The following IMMP2L variants were observed in gnomAD, a reference collection of about 807,000 sequenced individuals.
IMMP2L encodes inner mitochondrial membrane peptidase subunit 2.
A neutral mutation model predicts 19.3 loss-of-function variants in IMMP2L; 18 were observed. The observed-to-expected ratio is 0.93, with a 90% confidence interval of 0.64 to 1.38. The LOEUF (loss-of-function observed/expected upper bound fraction) is 1.38, where lower values mean the gene tolerates loss of function less well. IMMP2L is among the 40% of genes most tolerant of loss of function. The pLI is 0.00. For missense variants in IMMP2L, 233 were observed against 218.2 expected (o/e 1.07, Z -0.43); for synonymous variants, 76 against 73.0 (o/e 1.04, Z -0.21).
At chr7:111,342,338 A>G (rs1440544382) in intron 3 of IMMP2L, among the ~76,000 whole-genome samples, 1 of 152,186 alleles carries the variant, frequency 6.6e-6, no homozygotes, top group Non-Finnish European at 1.5e-5. Flanking sequence ...TCACGCCTGT[A>G]ATCCCAGCAC....
intron 3 of IMMP2L, among the ~76,000 whole-genome samples, chr7:111,277,702 T>C (rs1472115150): frequency 6.6e-6 from 1 of 152,022 alleles, no homozygotes; most frequent in African/African-American, 2.4e-5. Context: ...AAAATAGAAC[T>C]ACTATTCCAT....
chr7:111,251,179 A>C (rs1255720619), intron 3 of IMMP2L, among the ~76,000 whole-genome samples: 1 of 152,322 alleles, frequency 6.6e-6, no homozygotes, highest in South Asian at 2.1e-4. Context: ...AGAGAAATAA[A>C]AATCAAAATC....
chr7:110,777,515 C>T (rs1200954880), intron 5 of IMMP2L, among the ~76,000 whole-genome samples: 2 of 151,854 alleles, frequency 1.3e-5, no homozygotes, highest in African/African-American at 4.8e-5. Context: ...TTTCTTTAGC[C>T]CGTTAATTTA....
At chr7:110,807,940 T>C (rs1359823531) in intron 5 of IMMP2L, among the ~76,000 whole-genome samples, 3 of 152,046 alleles carry the variant, frequency 2.0e-5, no homozygotes, top group Non-Finnish European at 4.4e-5. Flanking sequence ...ATGATTACAA[T>C]GGTTTCTAGA....
intron 3 of IMMP2L, among the ~76,000 whole-genome samples, chr7:111,343,554 T>C (rs1327368870): frequency 6.6e-6 from 1 of 152,042 alleles, no homozygotes. Context: ...AGCAACCACA[T>C]AGTGTGTAAT....
In IMMP2L at chr7:111,562,202, G is replaced by A. The variant is rs1268017719; in HGVS notation, c.-354C>T. 6.6e-6 allele frequency: 1 copy of A among 152,288 alleles called. No individual in the cohort carries two copies. The highest frequency in any genetic ancestry group is 1.5e-5 in the Non-Finnish European group (1 of 68,118). 9.4% of individuals were successfully genotyped at this position (152,288 alleles called of 1,614,324 possible). A position where few individuals can be genotyped will look rare whatever the true frequency, so the allele number is the denominator to read the frequency against. ...CAACCTAGTTAGCCAGTGGCACCAA[G>A]AAGAGGACTAGGCTGGGGTGGCCGC... On this transcript the variant is annotated 5_prime_UTR_variant, in exon 1 of 6. Coordinates refer to ENST00000405709, the MANE Select transcript of IMMP2L (RefSeq NM_032549.4).
At chr7:110,893,471 CT>C (rs1400157628) in intron 4 of IMMP2L, among the ~76,000 whole-genome samples, 4 of 152,046 alleles carry the variant, frequency 2.6e-5, no homozygotes, top group Admixed American at 2.6e-4. Context: ...TAGTTTGTTA[CT>C]TTTTTAAAAA....
intron 3 of IMMP2L, among the ~76,000 whole-genome samples, chr7:110,993,134 G>A (rs907696591): frequency 6.6e-6 from 1 of 151,804 alleles, no homozygotes; most frequent in African/African-American, 2.4e-5. Flanking sequence ...TTTAAAACAG[G>A]CCAGGTTTCC....
chr7:111,295,507 G>A (rs1431323448), intron 3 of IMMP2L, among the ~76,000 whole-genome samples: 1 of 151,776 alleles, frequency 6.6e-6, no homozygotes, highest in Non-Finnish European at 1.5e-5. Context: ...TAAGTAAAAT[G>A]GAAAAGAGTC....
At chr7:110,747,113 C>G (rs184130695) in intron 5 of IMMP2L, among the ~76,000 whole-genome samples, 1 of 152,126 alleles carries the variant, frequency 6.6e-6, no homozygotes, top group Admixed American at 6.5e-5. Context: ...TCAGAGAATA[C>G]TATAAACACC....
At chr7:110,988,556 G>C (rs1822096808) in intron 3 of IMMP2L, among the ~76,000 whole-genome samples, 1 of 152,120 alleles carries the variant, frequency 6.6e-6, no homozygotes, top group African/African-American at 2.4e-5. Flanking sequence ...AGCAACCTTT[G>C]CTACATGTGT....
intron 3 of IMMP2L, among the ~76,000 whole-genome samples, chr7:111,085,197 A>G (rs116956631): frequency 0.018 from 2,802 of 152,338 alleles, 34 homozygotes; most frequent in Middle Eastern, 0.037. Flanking sequence ...TTCTTGGCAT[A>G]GTGAGATTAC....
At chr7:110,957,354 A>G (rs181701916) in intron 4 of IMMP2L, among the ~76,000 whole-genome samples, 1,821 of 151,872 alleles carry the variant, frequency 0.012, 47 homozygotes, top group African/African-American at 0.043. Context: ...GTCATTTAAA[A>G]TAACAAATAA....
intron 5 of IMMP2L, among the ~76,000 whole-genome samples, chr7:110,834,377 T>TG (rs1804241779): frequency 6.6e-6 from 1 of 150,656 alleles, no homozygotes; most frequent in Non-Finnish European, 1.5e-5. Context: ...TGTGTGTGTG[T>TG]TATATGCAAC....
At chr7:111,142,611 A>C (rs2129599093) in intron 3 of IMMP2L, among the ~76,000 whole-genome samples, 1 of 152,156 alleles carries the variant, frequency 6.6e-6, no homozygotes, top group East Asian at 1.9e-4. Context: ...GGTAGAAAAT[A>C]ATTCATGTTA....
chr7:111,467,134 C>G (rs530313402), intron 3 of IMMP2L, among the ~76,000 whole-genome samples: 2 of 152,122 alleles, frequency 1.3e-5, no homozygotes, highest in Non-Finnish European at 2.9e-5. Context: ...AGCACAGCCC[C>G]TGAGGCGAGA....
chr7:111,335,821 A>C (rs1391978287), intron 3 of IMMP2L, among the ~76,000 whole-genome samples: 1 of 152,136 alleles, frequency 6.6e-6, no homozygotes. Context: ...ATAAAACAGC[A>C]GGAAAGTATA....
At chr7:111,179,543 G>A (rs527246727) in intron 3 of IMMP2L, among the ~76,000 whole-genome samples, 27 of 152,124 alleles carry the variant, frequency 1.8e-4, no homozygotes, top group Admixed American at 1.7e-3. Flanking sequence ...CCTTTACAGA[G>A]AACAAGTAGA....
At chr7:111,480,019 T>A (rs1842041417) in intron 3 of IMMP2L, among the ~76,000 whole-genome samples, 1 of 152,094 alleles carries the variant, frequency 6.6e-6, no homozygotes, top group Admixed American at 6.5e-5. Context: ...TGTATAAGCA[T>A]TGTGAAGGCA....
Sources: gnomAD v4.1 joint callset for allele counts (sites outside exome capture counted in the v4.1 genomes callset) on GRCh38, gnomAD v4.1.1 for gene constraint, MANE v1.5 for transcripts, NCBI Gene and HGNC (gene_info 2026-07-23, HGNC 2026-07-21) for gene names.